The following SSH2 variants were observed in gnomAD, a reference collection of about 807,000 sequenced individuals.
SSH2 encodes slingshot protein phosphatase 2, also known as protein phosphatase Slingshot homolog 2.
SSH2 carries 37 observed loss-of-function variants against 135.2 expected under a neutral mutation model. The ratio of observed to expected loss-of-function variants is 0.27; its 90% CI spans 0.21 to 0.36. SSH2 has a LOEUF of 0.36. Ranked by LOEUF, SSH2 falls within the 10% of genes least tolerant of loss-of-function variation. SSH2 has a pLI of 1.00. For missense variants in SSH2, 1,408 were observed against 1,765.3 expected (o/e 0.80, Z 3.63); for synonymous variants, 628 against 646.2 (o/e 0.97, Z 0.43).
At chr17:29,685,603 T>C (rs758918214) in intron 5 of SSH2, among the ~76,000 whole-genome samples, 3 of 151,930 alleles carry the variant, frequency 2.0e-5, no homozygotes, top group African/African-American at 7.2e-5. Flanking sequence ...CTGGCCAACA[T>C]GGTGAAACAC....
intron 3 of SSH2, among the ~76,000 whole-genome samples, chr17:29,750,689 T>C (rs1037299239): frequency 1.3e-5 from 2 of 151,162 alleles, no homozygotes; most frequent in African/African-American, 4.9e-5. Flanking sequence ...TGCATGGCTA[T>C]ACCTTTATTC....
intron 2 of SSH2, among the ~76,000 whole-genome samples, chr17:29,818,061 T>C (rs1418122119): frequency 1.3e-5 from 2 of 152,030 alleles, no homozygotes; most frequent in Non-Finnish European, 2.9e-5. Flanking sequence ...TGAGCCACTG[T>C]GCCTGCCTCC....
At chr17:29,736,786 CAAAAAAAAAAAAAAA>C (rs1194959594) in intron 3 of SSH2, among the ~76,000 whole-genome samples, 1 of 10,210 alleles carries the variant, frequency 9.8e-5, no homozygotes, top group Non-Finnish European at 1.6e-4. Flanking sequence ...GACTCTGTCT[CAAAAAAAAAAAAAAA>C]AAAAAAAAAA....
chr17:29,666,077 G>A (rs2037260587), intron 11 of SSH2, among the ~76,000 whole-genome samples: 1 of 152,098 alleles, frequency 6.6e-6, no homozygotes, highest in Admixed American at 6.6e-5. Context: ...GATGGCTCAT[G>A]CCGGTAATTT....
At chr17:29,694,486 C>T (rs1246852774) in intron 5 of SSH2, among the ~76,000 whole-genome samples, 10 of 152,086 alleles carry the variant, frequency 6.6e-5, no homozygotes, top group Non-Finnish European at 1.0e-4. Context: ...CTGTCCAATA[C>T]GGTGAAACCC....
chr17:29,783,859 G>C (rs2041896670), intron 3 of SSH2, among the ~76,000 whole-genome samples: 1 of 151,104 alleles, frequency 6.6e-6, no homozygotes, highest in Non-Finnish European at 1.5e-5. Flanking sequence ...GAGGTCAGGA[G>C]ATCGAGACCA....
intron 4 of SSH2, among the ~76,000 whole-genome samples, chr17:29,696,720 T>C (rs193116656): frequency 2.1e-3 from 317 of 150,536 alleles, no homozygotes; most frequent in Middle Eastern, 6.9e-3. Flanking sequence ...AGAGTCTCGC[T>C]CTGTCATCCA....
Position 29,913,347 on chromosome 17 carries a change from A to AAAAAAATTATAT in SSH2, c.63+16590_63+16591insATATAATTTTTT. On this transcript the variant is annotated intron_variant, in intron 1 of 15. Coordinates refer to ENST00000540801, the MANE Select transcript of SSH2 (RefSeq NM_001282129.2). Reference sequence around the variant, plus strand: ...AAAAAAAAAAAAAAAAAAAAAAAAAAATATATATATATATATATATATATA... The same window carrying AAAAAAATTATAT: ...AAAAAAAAAAAAAAAAAAAAAAAAAAAAAAAATTATATATATATATATATATATATATATATA... Among the ~76,000 whole-genome samples, 5 of 28,786 alleles carry AAAAAAATTATAT rather than the reference A, an allele frequency of 1.7e-4. 1 individual carries two copies. The highest frequency in any genetic ancestry group is 1.8e-4 in the Non-Finnish European group (3 of 16,996). 18.9% of individuals were successfully genotyped at this position (28,786 alleles called of 152,430 possible).
chr17:29,720,893 T>A (rs2039800954), intron 3 of SSH2, among the ~76,000 whole-genome samples: 1 of 152,238 alleles, frequency 6.6e-6, no homozygotes, highest in Non-Finnish European at 1.5e-5. Context: ...TTTTCACCCA[T>A]CCAGTGTTCT....
chr17:29,911,213 C>G (rs2066758454), intron 1 of SSH2, among the ~76,000 whole-genome samples: 1 of 152,144 alleles, frequency 6.6e-6, no homozygotes, highest in South Asian at 2.1e-4. Flanking sequence ...TATTTTAGTG[C>G]ACATGATCTT....
chr17:29,692,723 T>C (rs2038540151), intron 5 of SSH2, among the ~76,000 whole-genome samples: 1 of 152,248 alleles, frequency 6.6e-6, no homozygotes, highest in Non-Finnish European at 1.5e-5. Context: ...AGCAAATATT[T>C]ATTGGGCATC....
At chr17:29,707,943 C>T (rs896485117) in intron 3 of SSH2, among the ~76,000 whole-genome samples, 1 of 151,956 alleles carries the variant, frequency 6.6e-6, no homozygotes, top group Non-Finnish European at 1.5e-5. Context: ...GTTATGACCC[C>T]TCAGTTATCA....
At chr17:29,693,063 A>T (rs1020400101) in intron 5 of SSH2, among the ~76,000 whole-genome samples, 2 of 152,060 alleles carry the variant, frequency 1.3e-5, no homozygotes, top group Admixed American at 6.6e-5. Flanking sequence ...AGGCTCAAGC[A>T]ATACTCCCAC....
At chr17:29,923,449 T>C (rs115915441) in intron 1 of SSH2, among the ~76,000 whole-genome samples, 1,872 of 151,838 alleles carry the variant, frequency 0.012, 32 homozygotes, top group African/African-American at 0.042. Context: ...TGAGACCCCA[T>C]TTCTCCAAAA....
At chr17:29,642,811 A>C (rs1437237878) in intron 14 of SSH2, among the ~76,000 whole-genome samples, 1 of 152,120 alleles carries the variant, frequency 6.6e-6, no homozygotes, top group African/African-American at 2.4e-5. Flanking sequence ...CCAATTCACA[A>C]ATCAGTACAG....
rs1286077104 is a variant in SSH2, at chr17:29,726,361, G to C, written c.189-23299C>G. The stretch of plus-strand genomic sequence containing the variant: ...GAGGGCTTCAGTACAGATGGGGAGA[G>C]GTACAGATTTGGAAGGGTTTTCTAT... On this transcript the variant is annotated intron_variant, in intron 3 of 15. Transcript: ENST00000540801. 2.0e-5 allele frequency among the ~76,000 whole-genome samples: 3 copies of C among 152,254 alleles called. No individual in the cohort carries two copies. The East Asian group carries it at 5.8e-4, about 29-fold the overall frequency.
At chr17:29,711,297 G>T (rs2039424576) in intron 3 of SSH2, among the ~76,000 whole-genome samples, 1 of 152,186 alleles carries the variant, frequency 6.6e-6, no homozygotes, top group East Asian at 1.9e-4. Context: ...GTTTGTTCAA[G>T]ATTGAGAGAC....
chr17:29,874,960 C>CTTT (rs2066002808), intron 1 of SSH2, among the ~76,000 whole-genome samples: 1 of 152,098 alleles, frequency 6.6e-6, no homozygotes, highest in Admixed American at 6.5e-5. Flanking sequence ...AGTACCAGGA[C>CTTT]TTTAAATATC....
chr17:29,929,887 G>A, intron 1 of SSH2, 51 bp downstream of exon 1: 2 of 1,519,318 alleles, frequency 1.3e-6, no homozygotes, highest in Middle Eastern at 1.9e-4. Context: ...CTGAGGCAAA[G>A]CGGAGCCGCA....
Sources: gnomAD v4.1 joint callset for allele counts (sites outside exome capture counted in the v4.1 genomes callset) on GRCh38, gnomAD v4.1.1 for gene constraint, MANE v1.5 for transcripts, NCBI Gene and HGNC (gene_info 2026-07-23, HGNC 2026-07-21) for gene names.